PCDH17: variants seen among roughly 807,000 people sequenced by gnomAD.
PCDH17 encodes the protein protocadherin-17.
Under a neutral mutation model 67.7 loss-of-function variants are expected in PCDH17, and 21 were observed. The ratio of observed to expected loss-of-function variants is 0.31; its 90% CI spans 0.22 to 0.45. The LOEUF is 0.45. Among genes scored for constraint, PCDH17 ranks in the 20% least tolerant of loss-of-function variants. The pLI is 1.00. For missense variants in PCDH17, 1,471 were observed against 1,564.8 expected, an observed-to-expected ratio of 0.94 and a Z score of 1.01; for synonymous variants, 701 against 656.7, an observed-to-expected ratio of 1.07 and a Z score of -1.03.
chr13:57,679,754 G>A (rs531260767), intron 3 of PCDH17, among the ~76,000 whole-genome samples: 1 of 151,424 alleles, frequency 6.6e-6, no homozygotes, highest in East Asian at 2.0e-4. Context: ...ACCCTTACAA[G>A]CTAAGAGTAT....
chr13:57,725,662 C>A lies in PCDH17; in HGVS notation c.*368C>A, dbSNP rs1955911183. 5.5e-6 allele frequency: 1 copy of A among 181,044 alleles called. No homozygotes were observed. Among genetic ancestry groups the A allele is most frequent in the African/African-American group, 2.4e-5 (1 of 42,128 alleles). The allele number at this position is 181,044 out of a possible 1,614,324, so 11.2% of individuals were successfully genotyped here. ...TGAAGTATTTCTGATCACTCTCAGA[C>A]TGTCCTCCGTGATTTATGCTGACTT... On this transcript the variant is annotated 3_prime_UTR_variant, in exon 4 of 4. Transcript: ENST00000377918.
At position 57,726,966 on chromosome 13, in the gene PCDH17, C is replaced by G. The variant is rs1337250495; in HGVS notation, c.*1672C>G. The G allele has an allele frequency of 6.6e-6, 1 of 152,612 alleles. No individual in the cohort carries two copies. The highest frequency in any genetic ancestry group is 1.5e-5 in the Non-Finnish European group (1 of 68,034). 9.5% of individuals were successfully genotyped at this position (152,612 alleles called of 1,614,324 possible). On this transcript the variant is annotated 3_prime_UTR_variant, in exon 4 of 4. Coordinates refer to ENST00000377918, the MANE Select transcript of PCDH17 (RefSeq NM_001040429.3). Reference sequence around the variant, plus strand: ...CCTTTATCTCAGTGCTCTTCTGCCTCTTTTTGTTGGTGTCCTTTGAGAACA... The same window carrying G: ...CCTTTATCTCAGTGCTCTTCTGCCTGTTTTTGTTGGTGTCCTTTGAGAACA...
intron 1 of PCDH17, among the ~76,000 whole-genome samples, chr13:57,661,064 C>T (rs539221881): frequency 1.1e-4 from 16 of 152,126 alleles, no homozygotes; most frequent in East Asian, 1.9e-4. Context: ...TTATGTTTGA[C>T]GTAAGAAATG....
chr13:57,635,075 A>C lies in PCDH17; in HGVS notation c.2529A>C (p.Ala843=), dbSNP rs1346374948. 6.2e-6 allele frequency: 10 copies of C among 1,613,544 alleles called. No homozygotes were observed. The highest frequency in any genetic ancestry group is 8.5e-6 in the Non-Finnish European group (10 of 1,179,996). Residue 843 remains alanine (A), a synonymous_variant, in exon 1 of 4, where the codon GCA becomes GCC. Transcript: ENST00000377918. Reference sequence around the variant, plus strand: ...GCTTCACCGGACAAGGGACTAATGCAAGCGAGACCCCTGCCACTCGGATGT... The same window carrying C: ...GCTTCACCGGACAAGGGACTAATGCCAGCGAGACCCCTGCCACTCGGATGT... ...HTSFTGQGTN[A]SETPATRMSI...
In PCDH17 at chr13:57,704,155, A is replaced by G. The variant is rs146380828; in HGVS notation, c.2798-20457A>G. Among the ~76,000 whole-genome samples the G allele has an allele frequency of 1.5e-3, 232 of 152,232 alleles. 1 individual carries two copies. The highest frequency in any genetic ancestry group is 5.3e-3 in the African/African-American group (220 of 41,574). ...TAAGAATTCAGCTATATAGGTTTGT[A>G]GTCTCTGAAATTTAATCACAACCCG... On this transcript the variant is annotated intron_variant, in intron 3 of 3. Transcript: ENST00000377918.
rs1303704238 is a variant in PCDH17, at chr13:57,634,440, G to C, written c.1894G>C (p.Asp632His). The C allele has an allele frequency of 8.1e-6, 13 of 1,612,878 alleles. No individual in the cohort carries two copies. Among genetic ancestry groups the C allele is most frequent in the Non-Finnish European group, 1.1e-5 (13 of 1,179,972 alleles). Residue 632 changes from aspartate (D) to histidine (H), a missense_variant, in exon 1 of 4, where the codon GAC (aspartate) becomes CAC (histidine). Physicochemically the swap from Asp to His is moderately conservative, Grantham distance 81 (BLOSUM62 -1). Coordinates refer to ENST00000377918, the MANE Select transcript of PCDH17 (RefSeq NM_001040429.3). This position sits in a 1 kb window ranked among gnomAD's most constrained non-coding sequence, Gnocchi z 7.8. ...RLTYEIVDGN[D>H]DHLFEIDPSS... is the part of the protein sequence containing the mutation. ...CACCTACGAGATCGTGGACGGCAAC[G>C]ACGACCACCTGTTTGAGATCGACCC...
intron 3 of PCDH17, among the ~76,000 whole-genome samples, chr13:57,723,263 T>C (rs1469839939): frequency 1.9e-5 from 1 of 52,918 alleles, no homozygotes; most frequent in African/African-American, 1.7e-4. Flanking sequence ...TTTTGATTTC[T>C]TCCTAAAAAT....
chr13:57,655,921 A>C (rs1955097188), intron 1 of PCDH17, among the ~76,000 whole-genome samples: 1 of 152,112 alleles, frequency 6.6e-6, no homozygotes, highest in Non-Finnish European at 1.5e-5. Context: ...TATTTCCAAA[A>C]ATATTGGAAT....
Position 57,634,460 on chromosome 13 carries a change from C to T in PCDH17, c.1914C>T (p.Ile638=), listed in dbSNP as rs780891643. 6.8e-6 allele frequency: 11 copies of T among 1,612,648 alleles called. No homozygotes were observed. Among genetic ancestry groups the T allele is most frequent in the African/African-American group, 1.3e-5 (1 of 74,824 alleles). Residue 638 remains isoleucine (I), a synonymous_variant, in exon 1 of 4, where the codon ATC becomes ATT. Transcript: ENST00000377918. This position sits in a 1 kb window ranked among gnomAD's most constrained non-coding sequence, Gnocchi z 7.8. ...GCAACGACGACCACCTGTTTGAGAT[C>T]GACCCGTCCAGCGGCGAGATCCGCA... ...VDGNDDHLFE[I]DPSSGEIRTL...
At chr13:57,686,151 T>G (rs1031588198) in intron 3 of PCDH17, among the ~76,000 whole-genome samples, 3 of 151,956 alleles carry the variant, frequency 2.0e-5, no homozygotes, top group African/African-American at 7.2e-5. Flanking sequence ...AAATATTTGT[T>G]CATCAATTGT....
intron 3 of PCDH17, among the ~76,000 whole-genome samples, chr13:57,702,522 A>G (rs558944951): frequency 4.7e-4 from 71 of 152,288 alleles, no homozygotes; most frequent in Non-Finnish European, 9.7e-4. Context: ...CCGGCTGTGC[A>G]GGGTTGCCAA....
In PCDH17 at chr13:57,661,682, G is replaced by T. The variant is rs182028878; in HGVS notation, c.2566-4786G>T. On this transcript the variant is annotated intron_variant, in intron 1 of 3. Coordinates refer to ENST00000377918, the MANE Select transcript of PCDH17 (RefSeq NM_001040429.3). The stretch of plus-strand genomic sequence containing the variant: ...TATGTGTGTGTGTCTAATGTGTAAG[G>T]TATAGATCAAGGTTCATTTCTACTG... Among the ~76,000 whole-genome samples the T allele has an allele frequency of 2.6e-4, 39 of 152,210 alleles. No individual in the cohort carries two copies. In the East Asian group the frequency reaches 7.3e-3, roughly 29 times the overall value.
chr13:57,659,531 G>A (rs1955157570), intron 1 of PCDH17, among the ~76,000 whole-genome samples: 1 of 151,554 alleles, frequency 6.6e-6, no homozygotes, highest in South Asian at 2.1e-4. Flanking sequence ...TAAGAAATTT[G>A]CATACATTAT....
intron 3 of PCDH17, among the ~76,000 whole-genome samples, chr13:57,667,545 CTG>C (rs1202829664): frequency 6.6e-6 from 1 of 151,768 alleles, no homozygotes; most frequent in Non-Finnish European, 1.5e-5. Context: ...AGACTAAAAA[CTG>C]TGAATAGGTT....
At chr13:57,710,137 G>T (rs982215714) in intron 3 of PCDH17, among the ~76,000 whole-genome samples, 1 of 151,864 alleles carries the variant, frequency 6.6e-6, no homozygotes, top group African/African-American at 2.4e-5. Context: ...GTACAGGAAA[G>T]AAAAACTTGA....
chr13:57,639,790 C>T (rs981473626), intron 1 of PCDH17, among the ~76,000 whole-genome samples: 48 of 151,796 alleles, frequency 3.2e-4, no homozygotes, highest in African/African-American at 1.1e-3. Flanking sequence ...TTATTTAAGG[C>T]TGTGTGTGAT....
chr13:57,647,417 G>A (rs1311945447), intron 1 of PCDH17, among the ~76,000 whole-genome samples: 2 of 151,574 alleles, frequency 1.3e-5, no homozygotes, highest in Non-Finnish European at 3.0e-5. Context: ...GCTTTTCACA[G>A]GGTTACTTTA....
rs1287498141 is a variant in PCDH17, at chr13:57,638,109, C to A, written c.2565+2998C>A. On this transcript the variant is annotated intron_variant, in intron 1 of 3. Coordinates refer to ENST00000377918, the MANE Select transcript of PCDH17 (RefSeq NM_001040429.3). ...CACAGTTATAATTAAATATTTAAGTCTTTTTAAACATATAAAACTGATTTT... is the reference window on the plus strand; with the variant it reads ...CACAGTTATAATTAAATATTTAAGTATTTTTAAACATATAAAACTGATTTT... Among the ~76,000 whole-genome samples the A allele has an allele frequency of 5.3e-5, 8 of 152,076 alleles. No individual in the cohort carries two copies. In the East Asian group the frequency reaches 1.5e-3, roughly 29 times the overall value.
chr13:57,678,032 A>G (rs147039051), intron 3 of PCDH17, among the ~76,000 whole-genome samples: 4 of 151,866 alleles, frequency 2.6e-5, no homozygotes, highest in African/African-American at 9.6e-5. Flanking sequence ...GTTTTCTTGA[A>G]GAATGCAGAG....
Sources: allele counts gnomAD v4.1 joint callset (sites outside exome capture counted in the v4.1 genomes callset), GRCh38; gene constraint gnomAD v4.1.1; non-coding constraint Gnocchi (gnomAD v3.1); transcripts MANE v1.5; gene names NCBI Gene and HGNC (gene_info 2026-07-23, HGNC 2026-07-21).